Variants in GYPC observed in about 807,000 individuals in gnomAD.
GYPC encodes the protein glycophorin-C.
A neutral mutation model predicts 12.6 loss-of-function variants in GYPC; 14 were observed. That is an observed-to-expected ratio of 1.11 (90% confidence interval 0.74 to 1.74). The LOEUF is 1.74. Ranked by LOEUF, GYPC falls within the 40% of genes most tolerant of loss-of-function variation. The probability of loss-of-function intolerance (pLI) is 0.00; values close to 1 mark genes in which losing one functional copy is unlikely to be tolerated. For missense variants in GYPC, 225 were observed against 172.1 expected, an observed-to-expected ratio of 1.31 and a Z score of -1.72; for synonymous variants, 78 against 62.1, an observed-to-expected ratio of 1.26 and a Z score of -1.20.
intron 2 of GYPC, among the ~76,000 whole-genome samples, chr2:126,693,164 C>T (rs935022): frequency 0.59 from 90,162 of 152,082 alleles, 27,189 homozygotes; most frequent in African/African-American, 0.7. Context: ...CTCATGCATA[C>T]ATTAATACCC....
chr2:126,656,277 G>A lies in GYPC; in HGVS notation c.14G>A (p.Arg5Lys). 1 of 1,603,788 alleles carries A rather than the reference G, an allele frequency of 6.2e-7. No individual in the cohort carries two copies. The highest frequency in any genetic ancestry group is 1.1e-5 in the South Asian group (1 of 89,852). The change falls in exon 1 of 4, where the codon AGA becomes AAA. Residue 5 changes from arginine (R) to lysine (K), a missense_variant. Physicochemically the swap from Arg to Lys is conservative, Grantham distance 26. Coordinates refer to ENST00000259254, the MANE Select transcript of GYPC (RefSeq NM_002101.5). ...TGACGCCCAGGAATGTGGTCGACGA[G>A]AAGCCCCAACAGCACGGCGTGGCCT... MWST[R>K]SPNSTAWPLS...
chr2:126,682,875 G>A (rs562402317), intron 1 of GYPC, among the ~76,000 whole-genome samples: 29 of 152,236 alleles, frequency 1.9e-4, no homozygotes, highest in Admixed American at 1.6e-3. Context: ...CTTCCCAGAC[G>A]TAAGAGCCAC....
intron 1 of GYPC, among the ~76,000 whole-genome samples, chr2:126,674,458 G>A (rs563458471): frequency 1.6e-5 from 1 of 64,000 alleles, no homozygotes. Context: ...AAACAAGTGG[G>A]GGGGGAATAC....
intron 1 of GYPC, among the ~76,000 whole-genome samples, chr2:126,661,523 G>A (rs1682537145): frequency 6.6e-6 from 1 of 151,174 alleles, no homozygotes; most frequent in Non-Finnish European, 1.5e-5. Context: ...CGCAATCTTG[G>A]CTCACTGCAA....
chr2:126,676,245 C>T (rs897984870), intron 1 of GYPC, among the ~76,000 whole-genome samples: 14 of 152,214 alleles, frequency 9.2e-5, no homozygotes, highest in African/African-American at 3.4e-4. Context: ...TGTGTTTGTG[C>T]TTACCCTTCT....
intron 1 of GYPC, among the ~76,000 whole-genome samples, chr2:126,689,629 A>G (rs1030704194): frequency 7.2e-5 from 11 of 151,738 alleles, no homozygotes; most frequent in African/African-American, 2.7e-4. Flanking sequence ...GCAGGTTGTT[A>G]TAAAAGCAAA....
At chr2:126,663,950 GTCTCTCTCTCTCTCTCTCTC>G (rs61649506) in intron 1 of GYPC, among the ~76,000 whole-genome samples, 1,364 of 129,920 alleles carry the variant, frequency 0.01, 22 homozygotes, top group African/African-American at 0.031. Flanking sequence ...TAAGGTTCTG[GTCTCTCTCTCTCTCTCTCTC>G]TCTCTCTCTC....
intron 1 of GYPC, among the ~76,000 whole-genome samples, chr2:126,670,578 G>A (rs766535887): frequency 2.6e-5 from 4 of 152,178 alleles, no homozygotes; most frequent in East Asian, 1.9e-4. Context: ...GCAGGATATC[G>A]CATGGGTCAC....
rs531223859 is a variant in GYPC, at chr2:126,673,210, C to T, written c.49+16898C>T. ...GCCTCCTGTCCTAAGTAATATGATG[C>T]CAGGACAAGAATCCAGTTGCTCCGG... On this transcript the variant is annotated intron_variant, in intron 1 of 3. Transcript: ENST00000259254. Among the ~76,000 whole-genome samples, 3 of 152,206 alleles carry T rather than the reference C, an allele frequency of 2.0e-5. No individual in the cohort carries two copies. In the East Asian group the frequency reaches 5.8e-4, roughly 29 times the overall value.
At chr2:126,685,133 C>T (rs922394295) in intron 1 of GYPC, among the ~76,000 whole-genome samples, 15 of 152,322 alleles carry the variant, frequency 9.8e-5, no homozygotes, top group South Asian at 2.1e-4. Flanking sequence ...GGCAAGTAAA[C>T]GCATTTGACC....
At chr2:126,663,291 C>T (rs1424663236) in intron 1 of GYPC, among the ~76,000 whole-genome samples, 1 of 152,224 alleles carries the variant, frequency 6.6e-6, no homozygotes, top group African/African-American at 2.4e-5. Context: ...CCACCTTGGC[C>T]TCCCAAAGTG....
intron 1 of GYPC, among the ~76,000 whole-genome samples, chr2:126,673,654 A>G (rs1447824047): frequency 6.6e-6 from 1 of 152,214 alleles, no homozygotes; most frequent in Non-Finnish European, 1.5e-5. Context: ...TCCCCCACAG[A>G]TTCCTGGGCA....
chr2:126,690,351 C>A (rs1306892298), intron 2 of GYPC, 40 bp downstream of exon 2: 5 of 1,441,760 alleles, frequency 3.5e-6, no homozygotes, highest in Non-Finnish European at 4.9e-6. Flanking sequence ...ATGGAAACTG[C>A]CGTGACTTCA....
intron 1 of GYPC, among the ~76,000 whole-genome samples, chr2:126,687,440 A>T (rs546692174): frequency 1.3e-5 from 2 of 152,202 alleles, no homozygotes; most frequent in Non-Finnish European, 2.9e-5. Flanking sequence ...GTATCCAGAG[A>T]CTATGCTTTG....
At position 126,656,292 on chromosome 2, in the gene GYPC, C is replaced by G; in HGVS notation, c.29C>G (p.Thr10Arg). MWSTRSPNS[T>R]AWPLSLEPDP... ...TGGTCGACGAGAAGCCCCAACAGCA[C>G]GGCGTGGCCTCTCAGCCTCGGTGAG... Residue 10 changes from threonine to arginine, a missense_variant, in exon 1 of 4, where the codon ACG becomes AGG. By Grantham distance (71) the Thr-to-Arg change is moderately conservative (BLOSUM62 -1). Transcript: ENST00000259254. 1.2e-6 allele frequency: 2 copies of G among 1,600,210 alleles called. No individual in the cohort carries two copies. Among genetic ancestry groups the G allele is most frequent in the Non-Finnish European group, 1.7e-6 (2 of 1,174,946 alleles).
chr2:126,682,126 G>A (rs890250502), intron 1 of GYPC, among the ~76,000 whole-genome samples: 22 of 152,212 alleles, frequency 1.4e-4, no homozygotes, highest in African/African-American at 5.1e-4. Context: ...GATGCTGATT[G>A]GGATACACGG....
In GYPC at chr2:126,666,295, T is replaced by C. The variant is rs1161366215; in HGVS notation, c.49+9983T>C. ...ACCAACTCCTGGCCAATTCCTGGAA[T>C]GCCTCCACCGTGGAACCACCCCTGG... On this transcript the variant is annotated intron_variant, in intron 1 of 3. Coordinates refer to ENST00000259254, the MANE Select transcript of GYPC (RefSeq NM_002101.5). Among the ~76,000 whole-genome samples the C allele has an allele frequency of 2.0e-5, 3 of 152,296 alleles. No individual in the cohort carries two copies. The East Asian group carries it at 5.8e-4, about 29-fold the overall frequency.
intron 1 of GYPC, among the ~76,000 whole-genome samples, chr2:126,688,396 C>T (rs1227375108): frequency 2.6e-5 from 4 of 152,198 alleles, no homozygotes; most frequent in African/African-American, 9.7e-5. Context: ...TTCATTTATA[C>T]ATGCATGCAT....
chr2:126,695,258 G>A (rs1296660056), intron 3 of GYPC, among the ~76,000 whole-genome samples: 3 of 152,108 alleles, frequency 2.0e-5, no homozygotes, highest in African/African-American at 7.2e-5. Flanking sequence ...GTTTTAGAAC[G>A]GAAAATCTCC....
Sources: allele counts gnomAD v4.1 joint callset (sites outside exome capture counted in the v4.1 genomes callset), GRCh38; gene constraint gnomAD v4.1.1; transcripts MANE v1.5; gene names NCBI Gene and HGNC (gene_info 2026-07-23, HGNC 2026-07-21).